The following VPS13B variants were observed in gnomAD, a reference collection of about 807,000 sequenced individuals.
VPS13B encodes the protein intermembrane lipid transfer protein VPS13B.
A neutral mutation model predicts 426.4 loss-of-function variants in VPS13B; 285 were observed. The observed-to-expected ratio is 0.67, with a 90% CI of 0.61 to 0.74. The LOEUF is 0.74. VPS13B is among the 30% of genes least tolerant of loss of function. The pLI, the probability that VPS13B is intolerant of heterozygous loss-of-function variation, is 0.00. For synonymous variants in VPS13B, 1,676 were observed against 1,676.4 expected, an observed-to-expected ratio of 1.00 and a Z score of 0.01; for missense variants, 4,537 against 4,782.6, an observed-to-expected ratio of 0.95 and a Z score of 1.51.
intron 33 of VPS13B, among the ~76,000 whole-genome samples, chr8:99,631,024 G>C (rs985593028): frequency 4.6e-5 from 7 of 152,086 alleles, no homozygotes; most frequent in Admixed American, 3.9e-4. Flanking sequence ...TTTGGTAAAA[G>C]ACATTAAAAA....
intron 33 of VPS13B, among the ~76,000 whole-genome samples, chr8:99,610,375 C>T (rs904329192): frequency 6.6e-6 from 1 of 152,060 alleles, no homozygotes; most frequent in Non-Finnish European, 1.5e-5. Flanking sequence ...ATAAAGAAAA[C>T]GTGGCACATG....
intron 17 of VPS13B, among the ~76,000 whole-genome samples, chr8:99,196,051 T>C (rs1813900765): frequency 6.6e-6 from 1 of 152,194 alleles, no homozygotes; most frequent in Non-Finnish European, 1.5e-5. Context: ...TTTTATTCCA[T>C]ATGAATTTAA....
At chr8:99,089,556 T>G (rs903746086) in intron 3 of VPS13B, among the ~76,000 whole-genome samples, 4 of 152,090 alleles carry the variant, frequency 2.6e-5, no homozygotes, top group African/African-American at 9.7e-5. Flanking sequence ...AAGTAATAGG[T>G]GGAATCAAAG....
At chr8:99,103,280 A>G (rs1846858720) in intron 5 of VPS13B, among the ~76,000 whole-genome samples, 160 bp downstream of exon 5, 1 of 152,178 alleles carries the variant, frequency 6.6e-6, no homozygotes, top group South Asian at 2.1e-4. Flanking sequence ...GTTGCATATA[A>G]TTACAGGAGG....
chr8:99,821,353 A>C lies in VPS13B; in HGVS notation c.9054A>C (p.Ala3018=). 6.2e-7 allele frequency: 1 copy of C among 1,613,890 alleles called. No individual in the cohort carries two copies. The highest frequency in any genetic ancestry group is 8.5e-7 in the Non-Finnish European group (1 of 1,179,848). ...CAAACACTGTGCACAAGTCAGTAGCAATTAAACTGGTCCATAACCTGACAT... is the reference window on the plus strand; with the variant it reads ...CAAACACTGTGCACAAGTCAGTAGCCATTAAACTGGTCCATAACCTGACAT... ...ANTNTVHKSV[A]IKLVHNLTSP... is the part of the protein sequence containing the mutation. The change falls in exon 50 of 62, where the codon GCA becomes GCC. Residue 3018 remains alanine, a synonymous_variant. Transcript: ENST00000357162.
chr8:99,312,349 T>C (rs1360289720), intron 19 of VPS13B, among the ~76,000 whole-genome samples: 1 of 152,222 alleles, frequency 6.6e-6, no homozygotes, highest in Non-Finnish European at 1.5e-5. Flanking sequence ...CAGGAGCTCT[T>C]TTAGGGCAGG....
intron 16 of VPS13B, among the ~76,000 whole-genome samples, chr8:99,172,398 C>G (rs1320356056): frequency 6.6e-6 from 1 of 152,108 alleles, no homozygotes; most frequent in Non-Finnish European, 1.5e-5. Flanking sequence ...TTTATACAGT[C>G]TTAGGTACCT....
At chr8:99,849,545 A>G (rs905278161) in intron 55 of VPS13B, among the ~76,000 whole-genome samples, 1 of 152,224 alleles carries the variant, frequency 6.6e-6, no homozygotes, top group Non-Finnish European at 1.5e-5. Context: ...AATTGGTACT[A>G]TTTCCAATTT....
In VPS13B at chr8:99,574,814, A is replaced by G. The variant is rs1202713520; in HGVS notation, c.4950-844A>G. On this transcript the variant is annotated intron_variant, in intron 31 of 61. Coordinates refer to ENST00000357162, the MANE Select transcript of VPS13B (RefSeq NM_152564.5). Reference sequence around the variant, plus strand: ...CTTACAGATAATAATGGGGCTATTAACAGTCCCTACTTTACATACAGGATT... The same window carrying G: ...CTTACAGATAATAATGGGGCTATTAGCAGTCCCTACTTTACATACAGGATT... 2.0e-5 allele frequency among the ~76,000 whole-genome samples: 3 copies of G among 152,238 alleles called. No homozygotes were observed. The East Asian group carries it at 5.8e-4, about 29-fold the overall frequency.
chr8:99,764,027 G>GCTAA (rs1811078454), intron 39 of VPS13B, among the ~76,000 whole-genome samples: 2 of 152,206 alleles, frequency 1.3e-5, no homozygotes, highest in South Asian at 4.1e-4. Context: ...AGAAAGGTTA[G>GCTAA]GGAGCAATCT....
intron 19 of VPS13B, among the ~76,000 whole-genome samples, chr8:99,310,846 GA>G (rs1474783809): frequency 2.6e-5 from 4 of 152,280 alleles, no homozygotes; most frequent in African/African-American, 7.2e-5. Flanking sequence ...CTCAATTTCA[GA>G]ACCTGTTATT....
Position 99,821,488 on chromosome 8 carries a change from A to G in VPS13B, c.9183+6A>G, listed in dbSNP as rs369495448. Reference sequence around the variant, plus strand: ...CTTTTCCAGGACATCAGAAGGTAAGATCAAAGTCTATGTGGCTGGGAGGAA... The same window carrying G: ...CTTTTCCAGGACATCAGAAGGTAAGGTCAAAGTCTATGTGGCTGGGAGGAA... On this transcript the variant is annotated splice_donor_region_variant and intron_variant, in intron 50 of 61. Coordinates refer to ENST00000357162, the MANE Select transcript of VPS13B (RefSeq NM_152564.5). The G allele has an allele frequency of 2.3e-5, 37 of 1,613,538 alleles. No individual in the cohort carries two copies. The highest frequency in any genetic ancestry group is 3.1e-5 in the Non-Finnish European group (37 of 1,179,558).
At chr8:99,350,752 G>A (rs1258565136) in intron 19 of VPS13B, among the ~76,000 whole-genome samples, 3 of 151,902 alleles carry the variant, frequency 2.0e-5, no homozygotes, top group Non-Finnish European at 2.9e-5. Context: ...GGAGGTAAAT[G>A]AATCAGGAGA....
intron 3 of VPS13B, among the ~76,000 whole-genome samples, chr8:99,074,926 C>A (rs1234426695): frequency 6.6e-6 from 1 of 152,092 alleles, no homozygotes; most frequent in Non-Finnish European, 1.5e-5. Flanking sequence ...TGTGAGCCAC[C>A]ACTCCTGGCC....
chr8:99,826,455 T>C (rs1814688520), intron 51 of VPS13B, among the ~76,000 whole-genome samples: 1 of 152,200 alleles, frequency 6.6e-6, no homozygotes, highest in Non-Finnish European at 1.5e-5. Context: ...GCTTATCAAC[T>C]TAAGGAGATT....
intron 27 of VPS13B, among the ~76,000 whole-genome samples, chr8:99,505,431 G>A (rs2133619897): frequency 6.6e-6 from 1 of 152,256 alleles, no homozygotes. Context: ...GGCCATTGTA[G>A]GGTTATTAAT....
intron 55 of VPS13B, among the ~76,000 whole-genome samples, chr8:99,851,709 T>G (rs894897413): frequency 3.3e-5 from 5 of 151,262 alleles, no homozygotes; most frequent in African/African-American, 1.2e-4. Context: ...GTGGGCCCAG[T>G]GGAGGGGGTG....
At chr8:99,172,402 G>A (rs892249746) in intron 16 of VPS13B, among the ~76,000 whole-genome samples, 4 of 152,052 alleles carry the variant, frequency 2.6e-5, no homozygotes, top group African/African-American at 9.7e-5. Flanking sequence ...TACAGTCTTA[G>A]GTACCTAGTT....
Position 99,170,078 on chromosome 8 carries a change from A to G in VPS13B, c.2248A>G (p.Ser750Gly), listed in dbSNP as rs112858205. The G allele has an allele frequency of 1.8e-5, 29 of 1,612,884 alleles. No homozygotes were observed. In the African/African-American group the frequency reaches 2.4e-4, roughly 13 times the overall value. ...GGCAGGACTGACGTCTTTGGATTGC[A>G]GTGGATCTTACTGCTTACCTGTACC... Reference protein sequence around the residue: ...FQAGLTSLDCSGSYCLPVPVI... With the variant: ...FQAGLTSLDCGGSYCLPVPVI... Residue 750 changes from serine to glycine, a missense_variant, in exon 16 of 62, where the codon AGT (serine) becomes GGT (glycine). By Grantham distance (56) the Ser-to-Gly change is moderately conservative. Around this residue, in one of 2 missense-constraint regions of VPS13B, gnomAD observed 4,311 missense variants for 4,474.3 expected, o/e 0.96. Transcript: ENST00000357162.
Sources: gnomAD v4.1 joint callset for allele counts (sites outside exome capture counted in the v4.1 genomes callset) on GRCh38, gnomAD v4.1.1 for gene constraint, gnomAD v4.1.1 regional missense constraint, MANE v1.5 for transcripts, NCBI Gene and HGNC (gene_info 2026-07-23, HGNC 2026-07-21) for gene names.